CFAP65: variants seen among roughly 807,000 people sequenced by gnomAD.
CFAP65 encodes cilia- and flagella-associated protein 65.
In CFAP65, 155 loss-of-function variants were observed where a neutral mutation model predicts 208.0. The ratio of observed to expected loss-of-function variants is 0.75; its 90% confidence interval spans 0.65 to 0.85. The LOEUF is 0.85. Ranked by LOEUF, CFAP65 falls within the 40% of genes least tolerant of loss-of-function variation. The probability of loss-of-function intolerance (pLI) is 0.00; values close to 1 mark genes in which losing one functional copy is unlikely to be tolerated. For synonymous variants in CFAP65, 970 were observed against 986.3 expected, an observed-to-expected ratio of 0.98 and a Z score of 0.31; for missense variants, 2,294 against 2,451.3, an observed-to-expected ratio of 0.94 and a Z score of 1.36.
chr2:219,025,513 C>T (rs1244050283), intron 14 of CFAP65, among the ~76,000 whole-genome samples: 1 of 152,136 alleles, frequency 6.6e-6, no homozygotes, highest in African/African-American at 2.4e-5. Flanking sequence ...GCTTTTCAGC[C>T]CTATGTCCTC....
intron 22 of CFAP65, 28 bp downstream of exon 22, chr2:219,013,840 T>C (rs1946652791): frequency 6.5e-7 from 1 of 1,548,688 alleles, no homozygotes; most frequent in Non-Finnish European, 8.7e-7. Flanking sequence ...TGACTGGAAG[T>C]GCAGGGGGTT....
At chr2:219,012,762 T>A (rs1946571112) in intron 24 of CFAP65, among the ~76,000 whole-genome samples, 1 of 152,238 alleles carries the variant, frequency 6.6e-6, no homozygotes, top group Non-Finnish European at 1.5e-5. Flanking sequence ...ATTTTCAAAT[T>A]GTGGCTAAGA....
chr2:219,032,366 A>ATG lies in CFAP65; in HGVS notation c.645+102_645+103dup, dbSNP rs1574642908. 4 of 942,190 alleles carry ATG rather than the reference A, an allele frequency of 4.2e-6. No homozygotes were observed. In the South Asian group the frequency reaches 6.8e-5, roughly 16 times the overall value. 58.4% of individuals were successfully genotyped at this position (942,190 alleles called of 1,614,324 possible). A position where few individuals can be genotyped will look rare whatever the true frequency, so the allele number is the denominator to read the frequency against. ...CTGGATTGCTGCTGGAGCGGGCAGC[A>ATG]TGTGTGTGTGCCGGGGCGCTCCTGG... On this transcript the variant is annotated intron_variant, in intron 6 of 34. Transcript: ENST00000341552. This position sits in a 1 kb window ranked among gnomAD's most constrained non-coding sequence, Gnocchi z 5.5.
At chr2:219,005,795 G>A (rs1945926346) in intron 31 of CFAP65, among the ~76,000 whole-genome samples, 1 of 152,158 alleles carries the variant, frequency 6.6e-6, no homozygotes, top group Non-Finnish European at 1.5e-5. Flanking sequence ...AGAGGGGTAG[G>A]GGCTGCCTAG....
chr2:219,009,232 C>A, intron 28 of CFAP65, 78 bp from the exon 29 acceptor site: 1 of 1,474,746 alleles, frequency 6.8e-7, no homozygotes, highest in Non-Finnish European at 9.5e-7. Flanking sequence ...CTCTCCCTTC[C>A]AAGGGCTGAC....
At chr2:219,014,958 C>T (rs1946757974) in intron 21 of CFAP65, 1 of 152,016 alleles carries the variant, frequency 6.6e-6, no homozygotes, top group Non-Finnish European at 1.5e-5. Flanking sequence ...ATGCAACACA[C>T]ACCTGAGAGG....
rs1293690793 is a variant in CFAP65 at position 219,010,567 on chromosome 2, A to C, written c.4287T>G (p.Ser1429=). 6.2e-7 allele frequency: 1 copy of C among 1,611,064 alleles called. No individual in the cohort carries two copies. Among genetic ancestry groups the C allele is most frequent in the Non-Finnish European group, 8.5e-7 (1 of 1,179,510 alleles). ...ISSWDNSSIH[S]RLVVPGQNVF... ...CCACCTGTCCAGGCACCACCAGCCTAGAGTGTATGGAACTGTTGTCCCACG... is the reference window on the plus strand; with the variant it reads ...CCACCTGTCCAGGCACCACCAGCCTCGAGTGTATGGAACTGTTGTCCCACG... Residue 1429 remains serine, a synonymous_variant, in exon 26 of 35, where the codon TCT becomes TCG. Transcript: ENST00000341552.
intron 17 of CFAP65, 56 bp from the exon 18 acceptor site, chr2:219,021,986 A>T: frequency 6.3e-7 from 1 of 1,599,436 alleles, no homozygotes; most frequent in East Asian, 2.2e-5. Flanking sequence ...CCACAGCCCC[A>T]CTCTCCCAGC....
At chr2:219,039,153 T>G in intron 2 of CFAP65, 103 bp from the exon 3 acceptor site, 1 of 1,029,924 alleles carries the variant, frequency 9.7e-7, no homozygotes, top group Non-Finnish European at 1.4e-6. Flanking sequence ...GCACATATAT[T>G]TGTATATATG....
chr2:219,031,031 G>A lies in CFAP65; in HGVS notation c.1015+75C>T. 6.7e-7 allele frequency: 1 copy of A among 1,492,584 alleles called. No individual in the cohort carries two copies. The highest frequency in any genetic ancestry group is 2.5e-5 in the East Asian group (1 of 40,602). 92.5% of individuals were successfully genotyped at this position (1,492,584 alleles called of 1,614,324 possible). ...CGGGGGCCAGGCCAGATGGGAGGTG[G>A]GGGACACTGAGGCCTGGAGGACCCA... On this transcript the variant is annotated intron_variant, in intron 8 of 34. Transcript: ENST00000341552. The surrounding 1 kb of genome is among the most constrained non-coding windows in gnomAD (Gnocchi z 5.2).
intron 10 of CFAP65, 136 bp downstream of exon 10, chr2:219,029,850 C>A: frequency 3.6e-6 from 4 of 1,108,076 alleles, no homozygotes; most frequent in African/African-American, 1.6e-5. Context: ...TGATTCCCCA[C>A]AGGGCCACCA....
chr2:219,023,317 G>A lies in CFAP65; in HGVS notation c.2710C>T (p.Arg904Cys), dbSNP rs138095762. The change falls in exon 16 of 35, where the codon CGC becomes TGC. Residue 904 changes from arginine to cysteine, a missense_variant. This residue lies in a region of CFAP65 where 1,427 missense variants were observed against 1,438.7 expected (regional missense o/e 0.99). Coordinates refer to ENST00000341552, the MANE Select transcript of CFAP65 (RefSeq NM_194302.4). ...TGCAGGGGCAGACGCGAGGGGTTGC[G>A]GAAGGTGAAGGGGCTGGTGGAGGAG... The part of the protein sequence containing the change: ...GCSSTSPFTF[R>C]NPSRLPLQFE... 1.2e-5 allele frequency: 20 copies of A among 1,612,894 alleles called. No homozygotes were observed. The highest frequency in any genetic ancestry group is 4.0e-5 in the African/African-American group (3 of 74,938).
At position 219,029,430 on chromosome 2, in the gene CFAP65, C is replaced by T; in HGVS notation, c.1623G>A (p.Arg541=). The change falls in exon 11 of 35, where the codon CGG becomes CGA. Residue 541 remains arginine (R), a synonymous_variant. Transcript: ENST00000341552. ...GGTGGTGGATGAGACAGGCCACACG[C>T]CGAAAGCAGATGATGGGGTGAGTGG... ...FQPTHPIICF[R]RVACLIHHQD... is the part of the protein sequence containing the mutation. 1.2e-6 allele frequency: 2 copies of T among 1,613,998 alleles called. No individual in the cohort carries two copies. The highest frequency in any genetic ancestry group is 1.7e-6 in the Non-Finnish European group (2 of 1,179,920).
intron 2 of CFAP65, among the ~76,000 whole-genome samples, chr2:219,039,720 G>A (rs2106282434): frequency 6.6e-6 from 1 of 152,160 alleles, no homozygotes; most frequent in South Asian, 2.1e-4. Context: ...AATTATTGAG[G>A]TACTTTACTT....
At chr2:219,017,730 G>A (rs1559132777) in intron 21 of CFAP65, among the ~76,000 whole-genome samples, 1 of 152,154 alleles carries the variant, frequency 6.6e-6, no homozygotes, top group African/African-American at 2.4e-5. Flanking sequence ...ACACCAGCGC[G>A]CAGTCCATGC....
In CFAP65 at chr2:219,004,951, CTT is replaced by C. The variant is rs1945848220; in HGVS notation, c.5051+481_5051+482del. ...TCTCCTCTTTTTTCTTTCTTTCTTT[CTT>C]TCTTTCTCTCTCTTTCTTTCTTTCT... On this transcript the variant is annotated intron_variant, in intron 32 of 34. Coordinates refer to ENST00000341552, the MANE Select transcript of CFAP65 (RefSeq NM_194302.4). This position sits in a 1 kb window ranked among gnomAD's most constrained non-coding sequence, Gnocchi z 4.7. 6.8e-6 allele frequency among the ~76,000 whole-genome samples: 1 copy of C among 146,236 alleles called. No homozygotes were observed. The highest frequency in any genetic ancestry group is 2.5e-5 in the African/African-American group (1 of 39,382).
At chr2:219,010,116 A>T (rs773444301) in intron 26 of CFAP65, 31 bp from the exon 27 acceptor site, 4 of 1,552,714 alleles carry the variant, frequency 2.6e-6, no homozygotes, top group Admixed American at 3.8e-5. Context: ...TAAAGAAATA[A>T]GAACCGGCCA....
At chr2:219,028,590 G>A (rs530000973) in intron 11 of CFAP65, among the ~76,000 whole-genome samples, 189 bp from the exon 12 acceptor site, 1 of 152,222 alleles carries the variant, frequency 6.6e-6, no homozygotes. Context: ...GGAGTCCAGG[G>A]AAGGTCAGGA....
At position 219,019,491 on chromosome 2, in the gene CFAP65, C is replaced by A; in HGVS notation, c.3473+15G>T. 1 of 1,605,958 alleles carries A rather than the reference C, an allele frequency of 6.2e-7. No individual in the cohort carries two copies. On this transcript the variant is annotated intron_variant, in intron 20 of 34. Transcript: ENST00000341552. The stretch of plus-strand genomic sequence containing the variant: ...CCTGCCCCCAGCCCCCACCCCCACT[C>A]CAGGCTCAGCTCACCTGTGCCGGGT...
Sources: gnomAD v4.1 joint callset for allele counts (sites outside exome capture counted in the v4.1 genomes callset) on GRCh38, gnomAD v4.1.1 for gene constraint, gnomAD v4.1.1 regional missense constraint, Gnocchi (gnomAD v3.1) non-coding constraint, MANE v1.5 for transcripts, NCBI Gene and HGNC (gene_info 2026-07-23, HGNC 2026-07-21) for gene names.